KIAA1217: variants seen among roughly 807,000 people sequenced by gnomAD.
KIAA1217 encodes the protein KIAA1217.
KIAA1217 carries 88 observed loss-of-function variants against 163.9 expected under a neutral mutation model. The ratio of observed to expected loss-of-function variants is 0.54; its 90% confidence interval spans 0.45 to 0.64. The LOEUF is 0.64. Ranked by LOEUF, KIAA1217 falls within the 30% of genes least tolerant of loss-of-function variation. KIAA1217 has a pLI of 0.00. For synonymous variants in KIAA1217, 903 were observed against 923.1 expected (o/e 0.98, Z 0.39); for missense variants, 2,372 against 2,475.0 (o/e 0.96, Z 0.88).
intron 2 of KIAA1217, among the ~76,000 whole-genome samples, chr10:24,320,806 G>A (rs1261677723): frequency 2.0e-5 from 3 of 152,124 alleles, no homozygotes; most frequent in African/African-American, 7.2e-5. Context: ...CACTTTGGGA[G>A]GCTGAGGCGG....
chr10:24,264,783 C>CTCTCTT (rs2076058725), intron 2 of KIAA1217, among the ~76,000 whole-genome samples: 1 of 151,354 alleles, frequency 6.6e-6, no homozygotes, highest in Admixed American at 6.6e-5. Context: ...CTCTCTCTCT[C>CTCTCTT]TCTCTCTCTC....
chr10:23,728,753 T>C (rs1838307861), intron 1 of KIAA1217, among the ~76,000 whole-genome samples: 1 of 152,178 alleles, frequency 6.6e-6, no homozygotes, highest in Non-Finnish European at 1.5e-5. Context: ...AAAGTAGACT[T>C]TTTTTAGAGC....
chr10:23,842,816 C>T (rs187671949), intron 1 of KIAA1217, among the ~76,000 whole-genome samples: 10 of 152,002 alleles, frequency 6.6e-5, no homozygotes, highest in Non-Finnish European at 1.2e-4. Flanking sequence ...TTAAAAAATA[C>T]AATAATTAGA....
At chr10:24,413,096 T>C (rs1247242838) in intron 3 of KIAA1217, among the ~76,000 whole-genome samples, 1 of 152,226 alleles carries the variant, frequency 6.6e-6, no homozygotes, top group Non-Finnish European at 1.5e-5. Flanking sequence ...CATCTCTATC[T>C]AACCCTGCAC....
At chr10:24,298,587 C>A (rs913522465) in intron 2 of KIAA1217, among the ~76,000 whole-genome samples, 4 of 152,096 alleles carry the variant, frequency 2.6e-5, no homozygotes, top group Non-Finnish European at 2.9e-5. Context: ...CACCTGAGGT[C>A]AGGAGTTTGA....
intron 3 of KIAA1217, among the ~76,000 whole-genome samples, chr10:24,424,736 G>A (rs36001030): frequency 0.07 from 10,716 of 152,236 alleles, 463 homozygotes; most frequent in East Asian, 0.12. Context: ...CCGAGTAGCT[G>A]GGATTAGAGG....
chr10:24,051,948 T>G (rs531328841), intron 2 of KIAA1217, among the ~76,000 whole-genome samples: 3 of 152,312 alleles, frequency 2.0e-5, no homozygotes, highest in African/African-American at 7.2e-5. Context: ...GCAGAAGCTT[T>G]TTAGTTTAAT....
Position 24,394,412 on chromosome 10 carries a change from CTCTT to C in KIAA1217, c.553+13349_553+13352del, listed in dbSNP as rs548609508. 3.1e-3 allele frequency among the ~76,000 whole-genome samples: 475 copies of C among 152,092 alleles called. 1 individual carries two copies. The highest frequency in any genetic ancestry group is 4.8e-3 in the Non-Finnish European group (324 of 68,022). On this transcript the variant is annotated intron_variant, in intron 3 of 20. Transcript: ENST00000376454. ...AAAAATAAATTACTTGTTTTCCCCT[CTCTT>C]TCTGCCCCAAGTTTTGCCCACTCTC...
chr10:23,838,175 A>G (rs1196660837), intron 1 of KIAA1217, among the ~76,000 whole-genome samples: 1 of 152,232 alleles, frequency 6.6e-6, no homozygotes, highest in Non-Finnish European at 1.5e-5. Flanking sequence ...TAATATCATT[A>G]TACATGTATC....
chr10:23,778,747 G>T (rs1417181183), intron 1 of KIAA1217, among the ~76,000 whole-genome samples: 1 of 152,188 alleles, frequency 6.6e-6, no homozygotes, highest in Non-Finnish European at 1.5e-5. Context: ...GTGTCTTCCT[G>T]CAAGTCTGAC....
intron 1 of KIAA1217, among the ~76,000 whole-genome samples, chr10:24,213,433 G>A (rs925524050): frequency 6.6e-6 from 1 of 152,108 alleles, no homozygotes; most frequent in African/African-American, 2.4e-5. Flanking sequence ...GCCTCCCATC[G>A]AGTGCAAGCC....
At chr10:23,866,213 T>C (rs910015285) in intron 1 of KIAA1217, among the ~76,000 whole-genome samples, 1 of 152,104 alleles carries the variant, frequency 6.6e-6, no homozygotes, top group Non-Finnish European at 1.5e-5. Flanking sequence ...GGGGGAGATA[T>C]TGCTGTGCTT....
intron 2 of KIAA1217, among the ~76,000 whole-genome samples, chr10:24,128,723 C>G (rs1392214027): frequency 6.6e-6 from 1 of 152,188 alleles, no homozygotes; most frequent in Non-Finnish European, 1.5e-5. Flanking sequence ...CAGTCTTCTA[C>G]CACCCATTAA....
At chr10:23,894,478 A>T (rs1841581880) in intron 1 of KIAA1217, among the ~76,000 whole-genome samples, 1 of 146,424 alleles carries the variant, frequency 6.8e-6, no homozygotes, top group African/African-American at 2.5e-5. Context: ...CCACTGCTCA[A>T]GGAAATAAAA....
intron 2 of KIAA1217, among the ~76,000 whole-genome samples, chr10:24,330,396 C>A (rs535847885): frequency 6.6e-6 from 1 of 151,392 alleles, no homozygotes; most frequent in East Asian, 1.9e-4. Flanking sequence ...TTTAAGAGGA[C>A]GTAAAAGGAG....
At chr10:23,992,240 C>A (rs1005311573) in intron 1 of KIAA1217, among the ~76,000 whole-genome samples, 1 of 152,042 alleles carries the variant, frequency 6.6e-6, no homozygotes, top group Non-Finnish European at 1.5e-5. Context: ...ATTCAGAAGT[C>A]CATTCAAAAA....
chr10:23,725,073 CTA>C (rs1291216066), intron 1 of KIAA1217, among the ~76,000 whole-genome samples: 2 of 152,198 alleles, frequency 1.3e-5, no homozygotes, highest in African/African-American at 4.8e-5. Context: ...TCTGGCCTGC[CTA>C]TGTCATGGGT....
intron 1 of KIAA1217, among the ~76,000 whole-genome samples, chr10:23,810,047 G>T (rs769656831): frequency 6.6e-6 from 1 of 151,816 alleles, no homozygotes; most frequent in Non-Finnish European, 1.5e-5. Flanking sequence ...TTTCCCAACC[G>T]TAGGCCAATG....
Position 24,543,366 on chromosome 10 carries a change from G to A in KIAA1217, c.4096G>A (p.Gly1366Arg), listed in dbSNP as rs1033015036. The A allele has an allele frequency of 1.9e-6, 3 of 1,614,060 alleles. No individual in the cohort carries two copies. The highest frequency in any genetic ancestry group is 1.3e-5 in the African/African-American group (1 of 74,916). The change falls in exon 19 of 21, where the codon GGA (glycine) becomes AGA (arginine). Residue 1366 changes from glycine to arginine, a missense_variant. Physicochemically the swap from Gly to Arg is moderately radical, Grantham distance 125. Around this residue, in one of 3 missense-constraint regions of KIAA1217, gnomAD observed 251 missense variants for 327.3 expected, o/e 0.77. Coordinates refer to ENST00000376454, the MANE Select transcript of KIAA1217 (RefSeq NM_019590.5). ...RHANVNPNEDGESSSSSPTEE... is the reference protein window; with the variant it reads ...RHANVNPNEDRESSSSSPTEE... ...TGCTAACGTGAACCCTAATGAGGAT[G>A]GAGAATCAAGTTCAAGTTCTCCCAC...
Sources: gnomAD v4.1 joint callset for allele counts (sites outside exome capture counted in the v4.1 genomes callset) on GRCh38, gnomAD v4.1.1 for gene constraint, gnomAD v4.1.1 regional missense constraint, MANE v1.5 for transcripts, NCBI Gene and HGNC (gene_info 2026-07-23, HGNC 2026-07-21) for gene names.